Variants in ANKFN1 observed in about 807,000 individuals in gnomAD.
The protein encoded by ANKFN1 is ankyrin repeat and fibronectin type-III domain-containing protein 1.
ANKFN1 carries 74 observed loss-of-function variants against 108.7 expected under a neutral mutation model. The observed-to-expected ratio is 0.68, with a 90% CI of 0.56 to 0.83. The LOEUF (loss-of-function observed/expected upper bound fraction) is 0.83, where lower values mean the gene tolerates loss of function less well. ANKFN1 is among the 40% of genes least tolerant of loss of function. The pLI, the probability that ANKFN1 is intolerant of heterozygous loss-of-function variation, is 0.00. For synonymous variants in ANKFN1, 547 were observed against 516.2 expected, an observed-to-expected ratio of 1.06 and a Z score of -0.81; for missense variants, 1,505 against 1,382.3, an observed-to-expected ratio of 1.09 and a Z score of -1.41.
rs770021955 is a variant in ANKFN1, at chr17:56,326,399, C to T, written c.188+44C>T. On this transcript the variant is annotated intron_variant, in intron 4 of 20. Coordinates refer to ENST00000682825, the MANE Select transcript of ANKFN1 (RefSeq NM_001370326.1). The stretch of plus-strand genomic sequence containing the variant: ...TGTCTTTCTTCATGTGAATATGGAG[C>T]TTTCTTAATTACTGATTATTTTTAA... The T allele has an allele frequency of 7.5e-5, 119 of 1,578,812 alleles. 1 individual carries two copies. The highest frequency in any genetic ancestry group is 6.7e-4 in the South Asian group (57 of 84,522).
At chr17:56,139,553 C>T (rs1266033825) in intron 4 of ANKFN1, among the ~76,000 whole-genome samples, 2 of 152,080 alleles carry the variant, frequency 1.3e-5, no homozygotes, top group Non-Finnish European at 2.9e-5. Flanking sequence ...GTGATTTTCC[C>T]CCCATTATGC....
chr17:56,332,318 C>A (rs2045686606), intron 4 of ANKFN1, among the ~76,000 whole-genome samples: 1 of 152,110 alleles, frequency 6.6e-6, no homozygotes, highest in Non-Finnish European at 1.5e-5. Context: ...TGAGGAGGCT[C>A]CACTCTGCAC....
intron 4 of ANKFN1, among the ~76,000 whole-genome samples, chr17:56,088,601 A>G (rs1905357511): frequency 6.7e-6 from 1 of 149,114 alleles, no homozygotes; most frequent in Non-Finnish European, 1.5e-5. Context: ...TCCAGCCTCC[A>G]CTCTCATCTC....
chr17:56,055,811 A>G (rs912214535), intron 4 of ANKFN1, among the ~76,000 whole-genome samples: 3 of 151,400 alleles, frequency 2.0e-5, no homozygotes, highest in African/African-American at 7.3e-5. Flanking sequence ...ACTGTTTTCC[A>G]TAGAGGTTGA....
chr17:56,162,030 CA>C (rs566803521), intron 1 of ANKFN1, among the ~76,000 whole-genome samples: 112 of 152,196 alleles, frequency 7.4e-4, no homozygotes, highest in Non-Finnish European at 1.2e-3. Flanking sequence ...ACTTCAAAGT[CA>C]AAATCCCAGA....
rs371346129 is a variant in ANKFN1 at position 56,482,338 on chromosome 17, G to A, written c.2092-18G>A. The A allele has an allele frequency of 8.4e-5, 132 of 1,566,514 alleles. No homozygotes were observed. In the South Asian group the frequency reaches 8.7e-4, roughly 10 times the overall value. Reference sequence around the variant, plus strand: ...GTTGTAACTCTCCTATTTTTCCTCCGCGCGTGTCCCTCTGCAGGCAAGGAA... The same window carrying A: ...GTTGTAACTCTCCTATTTTTCCTCCACGCGTGTCCCTCTGCAGGCAAGGAA... On this transcript the variant is annotated intron_variant, in intron 17 of 20. Coordinates refer to ENST00000682825, the MANE Select transcript of ANKFN1 (RefSeq NM_001370326.1).
intron 4 of ANKFN1, among the ~76,000 whole-genome samples, chr17:56,127,377 G>A (rs138787616): frequency 5.9e-5 from 9 of 152,074 alleles, no homozygotes; most frequent in African/African-American, 2.2e-4. Context: ...GCAGTGGCAC[G>A]GTCTCCGCTC....
chr17:56,065,582 G>A (rs76542152), intron 4 of ANKFN1, among the ~76,000 whole-genome samples: 1,529 of 152,246 alleles, frequency 0.01, 8 homozygotes, highest in Non-Finnish European at 0.016. Context: ...ACACTTAGAA[G>A]CTGTTTTGGG....
At chr17:56,310,793 C>G (rs908840072) in intron 3 of ANKFN1, among the ~76,000 whole-genome samples, 9 of 147,804 alleles carry the variant, frequency 6.1e-5, no homozygotes, top group Non-Finnish European at 1.3e-4. Context: ...AAGATCTACT[C>G]TAATAACAAA....
intron 1 of ANKFN1, among the ~76,000 whole-genome samples, chr17:56,166,011 T>C (rs1241303664): frequency 6.6e-6 from 1 of 152,166 alleles, no homozygotes; most frequent in Non-Finnish European, 1.5e-5. Context: ...CTCACCATCA[T>C]TTCAATGCAA....
intron 10 of ANKFN1, among the ~76,000 whole-genome samples, chr17:56,448,199 G>C (rs1006778743): frequency 2.0e-5 from 3 of 151,672 alleles, no homozygotes; most frequent in Admixed American, 1.3e-4. Context: ...GTTGCTTTCT[G>C]TTTTTTCCTC....
At chr17:56,136,558 A>G (rs1396226888) in intron 4 of ANKFN1, among the ~76,000 whole-genome samples, 9 of 152,348 alleles carry the variant, frequency 5.9e-5, no homozygotes, top group African/African-American at 2.2e-4. Flanking sequence ...GAGGAAAAAA[A>G]GACCAAATAT....
intron 4 of ANKFN1, among the ~76,000 whole-genome samples, chr17:56,338,899 G>T (rs2045888144): frequency 6.6e-6 from 1 of 152,040 alleles, no homozygotes; most frequent in African/African-American, 2.4e-5. Context: ...TAATGCAGAG[G>T]AAATAAGTTG....
rs140738703 is a variant in ANKFN1 at position 56,294,888 on chromosome 17, AT to A, written c.54-31332del. ...GGAAGAACTTTCACAAGGCATTTTG[AT>A]GGGCAAATATGGGAAGCAATCACCA... On this transcript the variant is annotated intron_variant, in intron 3 of 20. Coordinates refer to ENST00000682825, the MANE Select transcript of ANKFN1 (RefSeq NM_001370326.1). Among the ~76,000 whole-genome samples the A allele has an allele frequency of 3.1e-3, 475 of 152,340 alleles. 4 individuals are homozygous for A. The highest frequency in any genetic ancestry group is 6.8e-3 in the Admixed American group (104 of 15,302).
intron 3 of ANKFN1, among the ~76,000 whole-genome samples, chr17:56,277,517 C>T (rs2043965333): frequency 6.6e-6 from 1 of 152,060 alleles, no homozygotes; most frequent in Non-Finnish European, 1.5e-5. Flanking sequence ...GCCTCATGTA[C>T]ATTTTCTTAT....
intron 8 of ANKFN1, among the ~76,000 whole-genome samples, chr17:56,390,894 G>A: frequency 6.6e-6 from 1 of 152,010 alleles, no homozygotes; most frequent in South Asian, 2.1e-4. Flanking sequence ...TATCATAAGT[G>A]CTATTATGCC....
chr17:56,102,080 A>AGT, intron 4 of ANKFN1, among the ~76,000 whole-genome samples: 1 of 152,356 alleles, frequency 6.6e-6, no homozygotes, highest in East Asian at 1.9e-4. Flanking sequence ...ACCCACCTCC[A>AGT]ACGCTTGGGA....
upstream of ANKFN1, among the ~76,000 whole-genome samples, chr17:56,150,029 G>A (rs1348029752): frequency 2.0e-5 from 3 of 152,130 alleles, no homozygotes; most frequent in African/African-American, 7.2e-5. Context: ...TTGCTGAGTA[G>A]CATGTTGACA....
intron 8 of ANKFN1, among the ~76,000 whole-genome samples, chr17:56,438,505 G>A (rs930867948): frequency 2.0e-5 from 3 of 152,128 alleles, no homozygotes; most frequent in African/African-American, 7.2e-5. Flanking sequence ...AAAGATACTA[G>A]GTGGAGGAAT....
Sources: gnomAD v4.1 joint callset for allele counts (sites outside exome capture counted in the v4.1 genomes callset) on GRCh38, gnomAD v4.1.1 for gene constraint, MANE v1.5 for transcripts, NCBI Gene and HGNC (gene_info 2026-07-23, HGNC 2026-07-21) for gene names.